Variants in SUPT3H observed in about 807,000 individuals in gnomAD.
SUPT3H encodes transcription initiation protein SPT3 homolog.
A neutral mutation model predicts 44.3 loss-of-function variants in SUPT3H; 44 were observed. The ratio of observed to expected loss-of-function variants is 0.99; its 90% CI spans 0.78 to 1.28. The LOEUF is 1.28. Among genes scored for constraint, SUPT3H ranks in the 50% most tolerant of loss-of-function variants. SUPT3H has a pLI of 0.00. For missense variants in SUPT3H, 380 were observed against 387.1 expected (o/e 0.98, Z 0.15); for synonymous variants, 124 against 125.6 (o/e 0.99, Z 0.09).
chr6:44,815,338 G>T (rs908749829), intron 11 of SUPT3H, among the ~76,000 whole-genome samples: 7 of 152,156 alleles, frequency 4.6e-5, no homozygotes, highest in African/African-American at 1.7e-4. Flanking sequence ...TAAGATTGTA[G>T]ATTTAAATGT....
chr6:44,981,351 T>C (rs1172350982), intron 6 of SUPT3H, among the ~76,000 whole-genome samples: 1 of 152,208 alleles, frequency 6.6e-6, no homozygotes, highest in Non-Finnish European at 1.5e-5. Flanking sequence ...TTTGTCGTTT[T>C]ATTTTGATGA....
intron 2 of SUPT3H, among the ~76,000 whole-genome samples, chr6:45,261,339 C>T (rs1315168053): frequency 6.6e-6 from 1 of 152,056 alleles, no homozygotes; most frequent in East Asian, 1.9e-4. Context: ...TACCAGCAAA[C>T]TGAATCCAGA....
At chr6:45,275,334 C>CT (rs1162878593) in intron 2 of SUPT3H, among the ~76,000 whole-genome samples, 27 of 152,016 alleles carry the variant, frequency 1.8e-4, no homozygotes, top group Non-Finnish European at 4.0e-4. Context: ...TTCTTATAAT[C>CT]TCTGTTATTT....
intron 10 of SUPT3H, among the ~76,000 whole-genome samples, chr6:44,927,401 A>G (rs1444206259): frequency 6.6e-6 from 1 of 152,206 alleles, no homozygotes; most frequent in Admixed American, 6.5e-5. Flanking sequence ...TAAACTGAAG[A>G]AACTTTAAAA....
chr6:45,132,456 G>C (rs1803620138), intron 2 of SUPT3H, among the ~76,000 whole-genome samples: 1 of 152,080 alleles, frequency 6.6e-6, no homozygotes, highest in African/African-American at 2.4e-5. Flanking sequence ...CAAAATAAAT[G>C]ACAGGATAGA....
In SUPT3H at chr6:44,827,897, A is replaced by AGAC. The variant is rs563840804; in HGVS notation, c.*1916_*1918dup. Reference sequence around the variant, plus strand: ...CAGATTTTATAAATAATTACCTGTCAGACTGTTCAAGATAGACAAACATAT... The same window carrying AGAC: ...CAGATTTTATAAATAATTACCTGTCAGACGACTGTTCAAGATAGACAAACATAT... On this transcript the variant is annotated 3_prime_UTR_variant, in exon 11 of 11. Transcript: ENST00000371459. Among the ~76,000 whole-genome samples, 94 of 152,268 alleles carry AGAC rather than the reference A, an allele frequency of 6.2e-4. 1 individual carries two copies. The highest frequency in any genetic ancestry group is 6.8e-3 in the Middle Eastern group (2 of 294).
rs66480751 is a variant in SUPT3H at position 45,230,662 on chromosome 6, CTATATATATA to C, written c.102-124666_102-124657del. Among the ~76,000 whole-genome samples the C allele has an allele frequency of 1.7e-4, 12 of 68,740 alleles. 1 individual carries two copies. The highest frequency in any genetic ancestry group is 5.5e-4 in the Admixed American group (4 of 7,272). 45.1% of individuals were successfully genotyped at this position (68,740 alleles called of 152,430 possible). A position where few individuals can be genotyped will look rare whatever the true frequency, so the allele number is the denominator to read the frequency against. ...AAATCATGTTTTAAATTCATTCAGT[CTATATATATA>C]TATATATATATATATTTTTGAGATG... On this transcript the variant is annotated intron_variant, in intron 2 of 10. Coordinates refer to ENST00000371459, the MANE Select transcript of SUPT3H (RefSeq NM_003599.4).
intron 3 of SUPT3H, among the ~76,000 whole-genome samples, chr6:45,094,649 T>A (rs1403580576): frequency 6.6e-6 from 1 of 152,106 alleles, no homozygotes; most frequent in Admixed American, 6.5e-5. Flanking sequence ...ATGCCCATTT[T>A]AAAAACTAAG....
intron 2 of SUPT3H, among the ~76,000 whole-genome samples, chr6:45,304,341 C>T (rs1782659260): frequency 6.6e-6 from 1 of 152,064 alleles, no homozygotes; most frequent in African/African-American, 2.4e-5. Context: ...ATCAATTTAG[C>T]AGAGGAATGT....
intron 2 of SUPT3H, among the ~76,000 whole-genome samples, chr6:45,258,900 AT>A (rs1773865250): frequency 6.6e-6 from 1 of 152,118 alleles, no homozygotes; most frequent in South Asian, 2.1e-4. Context: ...TATAACAAAA[AT>A]TTTTGTTCAT....
chr6:44,921,855 C>G (rs1198667738), intron 10 of SUPT3H, among the ~76,000 whole-genome samples: 2 of 152,208 alleles, frequency 1.3e-5, no homozygotes, highest in Non-Finnish European at 2.9e-5. Flanking sequence ...AACTCAAATA[C>G]TCCCTCCCTG....
At chr6:44,866,192 A>G (rs529413707) in intron 10 of SUPT3H, among the ~76,000 whole-genome samples, 1 of 150,358 alleles carries the variant, frequency 6.7e-6, no homozygotes, top group Admixed American at 6.7e-5. Flanking sequence ...AGAGTGAATA[A>G]CTTTTGTATG....
chr6:45,255,995 C>T (rs906477034), intron 2 of SUPT3H, among the ~76,000 whole-genome samples: 1 of 152,006 alleles, frequency 6.6e-6, no homozygotes, highest in Non-Finnish European at 1.5e-5. Context: ...CACGGTGAAA[C>T]CCCGTCTCTA....
chr6:44,855,978 C>T (rs188732070), intron 10 of SUPT3H, among the ~76,000 whole-genome samples: 72 of 152,252 alleles, frequency 4.7e-4, no homozygotes, highest in African/African-American at 1.7e-3. Flanking sequence ...TTTGCTGAAT[C>T]TGCTACTTTA....
intron 4 of SUPT3H, among the ~76,000 whole-genome samples, 181 bp from the exon 5 acceptor site, chr6:45,015,072 A>T (rs1371368259): frequency 6.6e-6 from 1 of 152,178 alleles, no homozygotes; most frequent in Non-Finnish European, 1.5e-5. Context: ...GCTAAAATAC[A>T]AGTCTTTTAA....
chr6:45,284,657 C>A (rs1166476764), intron 2 of SUPT3H, among the ~76,000 whole-genome samples: 1 of 152,162 alleles, frequency 6.6e-6, no homozygotes, highest in East Asian at 1.9e-4. Flanking sequence ...CCAAATTCTA[C>A]CAGAGTTACA....
At chr6:45,031,315 G>A (rs1476182501) in intron 3 of SUPT3H, among the ~76,000 whole-genome samples, 1 of 152,006 alleles carries the variant, frequency 6.6e-6, no homozygotes. Flanking sequence ...AAATGTATTT[G>A]TATATATGTG....
chr6:45,337,355 G>A (rs1332062862), intron 2 of SUPT3H, among the ~76,000 whole-genome samples: 4 of 151,378 alleles, frequency 2.6e-5, no homozygotes, highest in Non-Finnish European at 5.9e-5. Flanking sequence ...TATCAATTAT[G>A]GTGTATCTCC....
In SUPT3H at chr6:44,961,784, TGCATATTGA is replaced by T. The variant is rs1204940035; in HGVS notation, c.540_548del (p.Gln181_Ala183del). The T allele has an allele frequency of 6.2e-7, 1 of 1,606,608 alleles. No homozygotes were observed. Among genetic ancestry groups the T allele is most frequent in the Admixed American group, 1.7e-5 (1 of 57,650 alleles). The stretch of plus-strand genomic sequence containing the variant: ...TTAATTGTCGACTTTCACAGAATTC[TGCATATTGA>T]GCTGAATCCATAATTCGAGTTTGTC... On this transcript the variant is annotated inframe_deletion, in exon 7 of 11. Coordinates refer to ENST00000371459, the MANE Select transcript of SUPT3H (RefSeq NM_003599.4).
Sources: allele counts gnomAD v4.1 joint callset (sites outside exome capture counted in the v4.1 genomes callset), GRCh38; gene constraint gnomAD v4.1.1; transcripts MANE v1.5; gene names NCBI Gene and HGNC (gene_info 2026-07-23, HGNC 2026-07-21).